GLCE: variants seen among roughly 807,000 people sequenced by gnomAD.
GLCE encodes the protein D-glucuronyl C5-epimerase.
A neutral mutation model predicts 47.9 loss-of-function variants in GLCE; 19 were observed. The observed-to-expected ratio is 0.40, with a 90% confidence interval of 0.28 to 0.58. The LOEUF (loss-of-function observed/expected upper bound fraction) is 0.58, where lower values mean the gene tolerates loss of function less well. Among genes scored for constraint, GLCE ranks in the 20% least tolerant of loss-of-function variants. The pLI is 0.48. For missense variants in GLCE, 556 were observed against 743.3 expected (o/e 0.75, Z 2.93); for synonymous variants, 245 against 263.4 (o/e 0.93, Z 0.68).
rs2053117389 is a variant in GLCE, at chr15:69,268,452, G to A, written c.1062G>A (p.Leu354=). The A allele has an allele frequency of 1.2e-6, 2 of 1,613,988 alleles. No individual in the cohort carries two copies. The highest frequency in any genetic ancestry group is 3.3e-5 in the Admixed American group (2 of 59,990). ...CATGGAGCACAGTTACCAGGGACCTGGTCACTGACCTCAGGAAAGGAGTGG... is the reference window on the plus strand; with the variant it reads ...CATGGAGCACAGTTACCAGGGACCTAGTCACTGACCTCAGGAAAGGAGTGG... The part of the protein sequence containing the change: ...RTSWSTVTRD[L]VTDLRKGVGL... Residue 354 remains leucine, a synonymous_variant, in exon 5 of 5, where the codon CTG becomes CTA. Transcript: ENST00000261858.
intron 1 of GLCE, among the ~76,000 whole-genome samples, chr15:69,206,491 A>T (rs1018908300): frequency 6.6e-6 from 1 of 152,042 alleles, no homozygotes; most frequent in East Asian, 1.9e-4. Flanking sequence ...TTTCTTCTGT[A>T]AGTAAGCCTT....
chr15:69,217,508 CA>C (rs1183186622), intron 2 of GLCE, among the ~76,000 whole-genome samples: 9 of 151,954 alleles, frequency 5.9e-5, no homozygotes, highest in Admixed American at 6.6e-5. Context: ...GCCTTGATAG[CA>C]GCCTACTTCC....
chr15:69,192,085 G>A (rs13380083), intron 1 of GLCE, among the ~76,000 whole-genome samples: 18,641 of 152,020 alleles, frequency 0.12, 1,206 homozygotes, highest in East Asian at 0.16. Context: ...TGAACTTCTG[G>A]GAACTGTGGG....
At chr15:69,256,583 A>G (rs1225262930) in intron 3 of GLCE, among the ~76,000 whole-genome samples, 191 bp downstream of exon 3, 1 of 152,232 alleles carries the variant, frequency 6.6e-6, no homozygotes, top group East Asian at 1.9e-4. Context: ...AAGGGCTGCC[A>G]TAAGACCAAA....
At chr15:69,240,579 G>A (rs532130485) in intron 2 of GLCE, among the ~76,000 whole-genome samples, 1 of 152,212 alleles carries the variant, frequency 6.6e-6, no homozygotes, top group Non-Finnish European at 1.5e-5. Flanking sequence ...CATTAAAAGG[G>A]TGTTGGATAT....
At chr15:69,262,911 T>C (rs538520402) in intron 4 of GLCE, among the ~76,000 whole-genome samples, 2 of 152,300 alleles carry the variant, frequency 1.3e-5, no homozygotes, top group East Asian at 1.9e-4. Flanking sequence ...GTGTTTCAGA[T>C]TTTGGAATAT....
intron 4 of GLCE, among the ~76,000 whole-genome samples, chr15:69,262,702 G>A (rs1314130445): frequency 6.6e-6 from 1 of 152,160 alleles, no homozygotes; most frequent in Non-Finnish European, 1.5e-5. Context: ...GTAGCCAGTA[G>A]CTGGAGATAA....
chr15:69,185,740 G>A (rs561455574), intron 1 of GLCE, among the ~76,000 whole-genome samples: 3 of 152,022 alleles, frequency 2.0e-5, no homozygotes, highest in Non-Finnish European at 2.9e-5. Context: ...ACCAAGCAGT[G>A]CACATCAGCT....
chr15:69,193,435 C>T (rs959000022), intron 1 of GLCE, among the ~76,000 whole-genome samples: 1 of 152,072 alleles, frequency 6.6e-6, no homozygotes, highest in African/African-American at 2.4e-5. Flanking sequence ...ATAAATGTTT[C>T]CCTTTTCTGA....
chr15:69,210,227 T>C (rs765266632), intron 1 of GLCE, 89 bp from the exon 2 acceptor site: 9 of 152,132 alleles, frequency 5.9e-5, no homozygotes, highest in Non-Finnish European at 8.8e-5. Context: ...TGTCCAGGTC[T>C]TATAGCTACA....
At position 69,221,993 on chromosome 15, in the gene GLCE, T is replaced by C. The variant is rs529904951; in HGVS notation, c.-14+11587T>C. On this transcript the variant is annotated intron_variant, in intron 2 of 4. Coordinates refer to ENST00000261858, the MANE Select transcript of GLCE (RefSeq NM_015554.3). ...AGTTGCTGTCCTTCAAATGGGACTT[T>C]TTGTTTTTATGATCTTTATTGCCTC... 6.6e-5 allele frequency among the ~76,000 whole-genome samples: 10 copies of C among 152,338 alleles called. No individual in the cohort carries two copies. The South Asian group carries it at 2.1e-3, about 32-fold the overall frequency.
chr15:69,210,857 A>T lies in GLCE; in HGVS notation c.-14+451A>T, dbSNP rs139670436. 4.8e-3 allele frequency among the ~76,000 whole-genome samples: 726 copies of T among 152,226 alleles called. 3 individuals are homozygous for T. Among genetic ancestry groups the T allele is most frequent in the Non-Finnish European group, 7.9e-3 (536 of 67,998 alleles). ...TTGTGTGTGGCCATCTTAGCACTACATTGGCAGAGTTTTTAGTTGGAACAG... is the reference window on the plus strand; with the variant it reads ...TTGTGTGTGGCCATCTTAGCACTACTTTGGCAGAGTTTTTAGTTGGAACAG... On this transcript the variant is annotated intron_variant, in intron 2 of 4. Coordinates refer to ENST00000261858, the MANE Select transcript of GLCE (RefSeq NM_015554.3).
chr15:69,200,168 T>C (rs928704367), intron 1 of GLCE, among the ~76,000 whole-genome samples: 4 of 152,108 alleles, frequency 2.6e-5, no homozygotes, highest in African/African-American at 9.7e-5. Context: ...TTTCGTGCCA[T>C]CTGTGTTGTG....
chr15:69,177,079 G>T (rs1171849375), intron 1 of GLCE, among the ~76,000 whole-genome samples: 1 of 151,638 alleles, frequency 6.6e-6, no homozygotes, highest in Non-Finnish European at 1.5e-5. Flanking sequence ...GAGTGCAATG[G>T]TGCAATCTCG....
At chr15:69,206,582 A>G (rs770753443) in intron 1 of GLCE, among the ~76,000 whole-genome samples, 1 of 152,070 alleles carries the variant, frequency 6.6e-6, no homozygotes, top group Non-Finnish European at 1.5e-5. Flanking sequence ...ATAATTCAAT[A>G]CTATGTTATT....
At chr15:69,197,908 G>A (rs1566953435) in intron 1 of GLCE, among the ~76,000 whole-genome samples, 1 of 152,258 alleles carries the variant, frequency 6.6e-6, no homozygotes, top group East Asian at 1.9e-4. Flanking sequence ...TGACAATGCA[G>A]TAGAAGGAAG....
intron 2 of GLCE, among the ~76,000 whole-genome samples, chr15:69,225,172 C>CTTTTTT (rs35793132): frequency 6.7e-6 from 1 of 148,774 alleles, no homozygotes. Context: ...TATTTTAAAG[C>CTTTTTT]TTTTTTTTTT....
At chr15:69,171,635 A>G (rs1443847648) in intron 1 of GLCE, among the ~76,000 whole-genome samples, 3 of 152,010 alleles carry the variant, frequency 2.0e-5, no homozygotes, top group Non-Finnish European at 4.4e-5. Context: ...TGACCTTGTG[A>G]TCCACCCACC....
intron 2 of GLCE, among the ~76,000 whole-genome samples, chr15:69,250,458 AT>A (rs1243100780): frequency 6.6e-6 from 1 of 151,640 alleles, no homozygotes; most frequent in African/African-American, 2.4e-5. Flanking sequence ...ACTGACTTAC[AT>A]TTTTTTCTTT....
Sources: allele counts gnomAD v4.1 joint callset (sites outside exome capture counted in the v4.1 genomes callset), GRCh38; gene constraint gnomAD v4.1.1; transcripts MANE v1.5; gene names NCBI Gene and HGNC (gene_info 2026-07-23, HGNC 2026-07-21).